The following CREBBP variants were observed in gnomAD, a reference collection of about 807,000 sequenced individuals.
The protein encoded by CREBBP is CREB binding lysine acetyltransferase.
CREBBP carries 19 observed loss-of-function variants against 265.0 expected under a neutral mutation model. The observed-to-expected ratio is 0.07, with a 90% CI of 0.05 to 0.11. CREBBP has a LOEUF of 0.11. CREBBP is among the 10% of genes least tolerant of loss of function. The pLI, the probability that CREBBP is intolerant of heterozygous loss-of-function variation, is 1.00. For synonymous variants in CREBBP, 1,457 were observed against 1,223.7 expected (o/e 1.19, Z -3.98); for missense variants, 2,525 against 3,219.0 (o/e 0.78, Z 5.22).
rs1477081711 is a variant in CREBBP at position 3,726,790 on chromosome 16, G to C, written c.*928C>G. 4.3e-6 allele frequency: 1 copy of C among 233,476 alleles called. No individual in the cohort carries two copies. The highest frequency in any genetic ancestry group is 1.3e-3 in the Middle Eastern group (1 of 784). 14.5% of individuals were successfully genotyped at this position (233,476 alleles called of 1,614,324 possible). A position where few individuals can be genotyped will look rare whatever the true frequency, so the allele number is the denominator to read the frequency against. ...CCCGAACACTAAGTGTTAATACCAT[G>C]TACATGAATTCAAGAAGGACCACCC... On this transcript the variant is annotated 3_prime_UTR_variant, in exon 31 of 31. Coordinates refer to ENST00000262367, the MANE Select transcript of CREBBP (RefSeq NM_004380.3).
chr16:3,860,679 G>GA (rs1335464287), intron 1 of CREBBP, among the ~76,000 whole-genome samples: 1 of 152,024 alleles, frequency 6.6e-6, no homozygotes, highest in Non-Finnish European at 1.5e-5. Flanking sequence ...AAATTTGAAG[G>GA]AAAAAAACTA....
intron 1 of CREBBP, among the ~76,000 whole-genome samples, chr16:3,860,373 G>T (rs1054971379): frequency 6.6e-6 from 1 of 152,024 alleles, no homozygotes; most frequent in Non-Finnish European, 1.5e-5. Flanking sequence ...GGTCTGTGTT[G>T]CCCAGGCTGG....
At chr16:3,803,916 C>T (rs779187278) in intron 3 of CREBBP, among the ~76,000 whole-genome samples, 4 of 151,716 alleles carry the variant, frequency 2.6e-5, no homozygotes, top group African/African-American at 4.8e-5. Context: ...CCTGTCTCTA[C>T]CAAAAAAAAT....
rs575316025 is a variant in CREBBP at position 3,843,351 on chromosome 16, TACTG to T, written c.798+6942_798+6945del. 1.7e-3 allele frequency among the ~76,000 whole-genome samples: 251 copies of T among 152,074 alleles called. 5 individuals are homozygous for T. The South Asian group carries it at 0.024, about 15-fold the overall frequency. On this transcript the variant is annotated intron_variant, in intron 2 of 30. Coordinates refer to ENST00000262367, the MANE Select transcript of CREBBP (RefSeq NM_004380.3). ...TTTAGACTTTACTAAATAAAAACGA[TACTG>T]ACCTAAGAGACTACTAAAAGCCTAA... is the stretch of plus-strand genomic sequence containing the variant.
intron 1 of CREBBP, among the ~76,000 whole-genome samples, chr16:3,877,219 C>T (rs1465657182): frequency 1.3e-5 from 2 of 152,194 alleles, no homozygotes; most frequent in East Asian, 3.8e-4. Context: ...CATCCCGTCA[C>T]TAAAATAAGA....
intron 30 of CREBBP, among the ~76,000 whole-genome samples, chr16:3,730,888 A>T: frequency 6.6e-6 from 1 of 152,330 alleles, no homozygotes; most frequent in South Asian, 2.1e-4. Context: ...CAAGCTGCCA[A>T]CAGGACAGCG....
intron 13 of CREBBP, chr16:3,773,496 C>CA: frequency 2.0e-6 from 1 of 510,728 alleles, no homozygotes; most frequent in Non-Finnish European, 3.5e-6. Flanking sequence ...GATCAAAACA[C>CA]AAAAGCATAC....
chr16:3,849,444 T>TGTGTGTGTGTGTGTGTGTGTGTG (rs2054766795), intron 2 of CREBBP, among the ~76,000 whole-genome samples: 1 of 24,836 alleles, frequency 4.0e-5, no homozygotes, highest in African/African-American at 7.0e-5. Flanking sequence ...TGTGTGTGTG[T>TGTGTGTGTGTGTGTGTGTGTGTG]GTGTGTGTGT....
chr16:3,821,036 C>T (rs769223802), intron 2 of CREBBP, among the ~76,000 whole-genome samples: 2 of 152,138 alleles, frequency 1.3e-5, no homozygotes, highest in East Asian at 1.9e-4. Context: ...GCAAAAACGA[C>T]GGGTCAAGGT....
At chr16:3,849,421 GTGTGT>G (rs2054744487) in intron 2 of CREBBP, among the ~76,000 whole-genome samples, 13 of 8,586 alleles carry the variant, frequency 1.5e-3, no homozygotes, top group African/African-American at 1.7e-3. Flanking sequence ...GTGTGTGTGT[GTGTGT>G]GTGTGTGTGT....
At chr16:3,791,842 C>T in intron 5 of CREBBP, 139 bp downstream of exon 5, 1 of 768,972 alleles carries the variant, frequency 1.3e-6, no homozygotes, top group Non-Finnish European at 2.3e-6. Flanking sequence ...TTGGCTGTAC[C>T]TTGGGCTGCT....
chr16:3,754,847 C>T (rs1384687817), intron 19 of CREBBP, among the ~76,000 whole-genome samples: 1 of 152,136 alleles, frequency 6.6e-6, no homozygotes, highest in African/African-American at 2.4e-5. Context: ...TTTAGGACTA[C>T]AAGTGCCAAG....
At chr16:3,772,301 T>TA (rs149094030) in intron 13 of CREBBP, among the ~76,000 whole-genome samples, 9 of 145,684 alleles carry the variant, frequency 6.2e-5, no homozygotes, top group South Asian at 2.2e-4. Context: ...ATTAAAAATT[T>TA]AAAAAAAAAA....
At chr16:3,855,188 T>G (rs2054933353) in intron 1 of CREBBP, among the ~76,000 whole-genome samples, 1 of 152,228 alleles carries the variant, frequency 6.6e-6, no homozygotes, top group African/African-American at 2.4e-5. Flanking sequence ...TGCATTTAAT[T>G]GTCATGTCTT....
At chr16:3,816,648 A>G (rs2054041771) in intron 2 of CREBBP, among the ~76,000 whole-genome samples, 1 of 152,240 alleles carries the variant, frequency 6.6e-6, no homozygotes, top group South Asian at 2.1e-4. Flanking sequence ...CATCTACTCC[A>G]GCAGACATGG....
chr16:3,786,591 C>T (rs528850466), intron 5 of CREBBP, among the ~76,000 whole-genome samples: 2 of 152,284 alleles, frequency 1.3e-5, no homozygotes, highest in African/African-American at 4.8e-5. Context: ...ACAGCTGATG[C>T]TTCACCAGCA....
chr16:3,779,289 C>T (rs2053220037), intron 8 of CREBBP, among the ~76,000 whole-genome samples: 2 of 152,176 alleles, frequency 1.3e-5, no homozygotes, highest in South Asian at 4.1e-4. Context: ...CTTCCCACCT[C>T]AGCCTCTAAA....
intron 16 of CREBBP, among the ~76,000 whole-genome samples, chr16:3,766,839 G>C (rs2052865078): frequency 6.6e-6 from 1 of 152,042 alleles, no homozygotes; most frequent in Non-Finnish European, 1.5e-5. Context: ...CTCAACTTTA[G>C]TTTCCAGTAG....
chr16:3,780,040 G>A (rs1306950782), intron 8 of CREBBP, among the ~76,000 whole-genome samples: 1 of 152,040 alleles, frequency 6.6e-6, no homozygotes, highest in Admixed American at 6.5e-5. Context: ...TCAGGAGTTT[G>A]AGACCAGCCT....
Sources: gnomAD v4.1 joint callset for allele counts (sites outside exome capture counted in the v4.1 genomes callset) on GRCh38, gnomAD v4.1.1 for gene constraint, MANE v1.5 for transcripts, NCBI Gene and HGNC (gene_info 2026-07-23, HGNC 2026-07-21) for gene names.